Variants in RASA1 observed in about 807,000 individuals in gnomAD.
The protein encoded by RASA1 is RAS p21 protein activator 1, also known as ras GTPase-activating protein 1.
A neutral mutation model predicts 132.2 loss-of-function variants in RASA1; 25 were observed. The observed-to-expected ratio is 0.19, with a 90% CI of 0.14 to 0.26. RASA1 has a LOEUF of 0.26. RASA1 is among the 10% of genes least tolerant of loss of function. The pLI is 1.00. For synonymous variants in RASA1, 477 were observed against 449.9 expected (o/e 1.06, Z -0.76); for missense variants, 964 against 1,299.2 (o/e 0.74, Z 3.97).
intron 1 of RASA1, among the ~76,000 whole-genome samples, chr5:87,290,134 C>T (rs901544216): frequency 1.3e-5 from 2 of 152,170 alleles, no homozygotes; most frequent in Non-Finnish European, 2.9e-5. Context: ...TGAAACCCTT[C>T]TGCCTTGCAT....
chr5:87,351,484 T>A (rs865928718), intron 8 of RASA1, among the ~76,000 whole-genome samples: 5 of 151,712 alleles, frequency 3.3e-5, no homozygotes, highest in African/African-American at 7.2e-5. Context: ...TATCTAGACT[T>A]GAAGAAGAAG....
chr5:87,363,108 C>A (rs1252303864), intron 10 of RASA1, among the ~76,000 whole-genome samples: 2 of 151,822 alleles, frequency 1.3e-5, no homozygotes, highest in African/African-American at 2.4e-5. Context: ...ATGATGAAAT[C>A]TCTGAAGATA....
intron 9 of RASA1, among the ~76,000 whole-genome samples, chr5:87,355,876 C>T (rs1490147324): frequency 6.6e-6 from 1 of 152,080 alleles, no homozygotes; most frequent in African/African-American, 2.4e-5. Context: ...TACAAGATGA[C>T]TTTGAGGAGG....
At chr5:87,340,622 A>G (rs752195562) in intron 5 of RASA1, among the ~76,000 whole-genome samples, 18 of 152,270 alleles carry the variant, frequency 1.2e-4, no homozygotes, top group Non-Finnish European at 2.4e-4. Context: ...AAAGTTCAAA[A>G]CATAGTAAAA....
At chr5:87,272,600 G>A (rs1238815082) in intron 1 of RASA1, among the ~76,000 whole-genome samples, 1 of 151,792 alleles carries the variant, frequency 6.6e-6, no homozygotes, top group African/African-American at 2.4e-5. Context: ...CTTGGGCATA[G>A]TAAGTGTTCG....
At chr5:87,291,522 C>A (rs1207867513) in intron 1 of RASA1, among the ~76,000 whole-genome samples, 4 of 152,238 alleles carry the variant, frequency 2.6e-5, no homozygotes, top group African/African-American at 7.2e-5. Context: ...CAGGGTGAGA[C>A]CCTGTCTCCT....
chr5:87,331,004 A>T, intron 1 of RASA1: 1 of 1,395,790 alleles, frequency 7.2e-7, no homozygotes, highest in Non-Finnish European at 9.4e-7. Flanking sequence ...AATCATTTCC[A>T]TTTGTCTATC....
chr5:87,292,226 G>C (rs1003671956), intron 1 of RASA1, among the ~76,000 whole-genome samples: 18 of 152,070 alleles, frequency 1.2e-4, no homozygotes, highest in Non-Finnish European at 1.0e-4. Context: ...TTTTGTGTCT[G>C]AGAAGGCATC....
chr5:87,363,263 C>T, intron 10 of RASA1, 85 bp from the exon 11 acceptor site: 1 of 1,222,670 alleles, frequency 8.2e-7, no homozygotes, highest in South Asian at 1.3e-5. Context: ...TTGATTGATT[C>T]ATATTTTTAG....
intron 1 of RASA1, among the ~76,000 whole-genome samples, chr5:87,272,342 C>T (rs544141785): frequency 2.6e-5 from 4 of 152,116 alleles, no homozygotes; most frequent in Admixed American, 2.0e-4. Context: ...GTACAAATTT[C>T]CTTCTTATTT....
chr5:87,376,366 CAAT>C (rs1218346075), intron 15 of RASA1, 24 bp from the exon 16 acceptor site: 1 of 1,612,548 alleles, frequency 6.2e-7, no homozygotes, highest in Admixed American at 1.7e-5. Context: ...TCTTTTTAAA[CAAT>C]AATTGCTTGT....
chr5:87,322,525 G>A (rs1042102024), intron 1 of RASA1, among the ~76,000 whole-genome samples: 2 of 152,158 alleles, frequency 1.3e-5, no homozygotes, highest in Non-Finnish European at 2.9e-5. Context: ...CTGGTTTAAA[G>A]GAGCCTGGCT....
At position 87,341,334 on chromosome 5, in the gene RASA1, T is replaced by C. The variant is rs936222588; in HGVS notation, c.1049+13T>C. 23 of 1,311,032 alleles carry C rather than the reference T, an allele frequency of 1.8e-5. No individual in the cohort carries two copies. The African/African-American group carries it at 3.2e-4, about 18-fold the overall frequency. The allele number at this position is 1,311,032 out of a possible 1,614,324, so 81.2% of individuals were successfully genotyped here. Reference sequence around the variant, plus strand: ...ATGAAGGAAAAATGTGAGTTTGTGTTAATTATTAAAATGAAAAAAAAAATC... The same window carrying C: ...ATGAAGGAAAAATGTGAGTTTGTGTCAATTATTAAAATGAAAAAAAAAATC... On this transcript the variant is annotated intron_variant, in intron 6 of 24. Transcript: ENST00000274376.
At chr5:87,329,126 T>C (rs889580431) in intron 1 of RASA1, among the ~76,000 whole-genome samples, 10 of 152,100 alleles carry the variant, frequency 6.6e-5, no homozygotes, top group African/African-American at 2.4e-4. Flanking sequence ...TCCATTTTAA[T>C]GCTCAGATCT....
chr5:87,380,617 G>T, intron 20 of RASA1, 22 bp downstream of exon 20: 1 of 1,553,544 alleles, frequency 6.4e-7, no homozygotes, highest in Non-Finnish European at 8.9e-7. Context: ...CAATTGATTT[G>T]TTAAATCACA....
chr5:87,347,339 C>T (rs1193447703), intron 7 of RASA1, among the ~76,000 whole-genome samples: 3 of 151,860 alleles, frequency 2.0e-5, no homozygotes, highest in Admixed American at 1.3e-4. Flanking sequence ...CTTATAAATA[C>T]AAAGTAAAAA....
At chr5:87,338,536 A>ATATATATATATATATATTTTTTTT in intron 5 of RASA1, among the ~76,000 whole-genome samples, 2 of 85,218 alleles carry the variant, frequency 2.3e-5, no homozygotes, top group African/African-American at 4.4e-5. Flanking sequence ...TATATATAAA[A>ATATATATATATATATATTTTTTTT]TTTTTTTTTT....
intron 1 of RASA1, among the ~76,000 whole-genome samples, chr5:87,293,880 AT>A (rs1410094101): frequency 1.3e-5 from 2 of 152,076 alleles, no homozygotes; most frequent in African/African-American, 2.4e-5. Flanking sequence ...TTAGTTTATT[AT>A]CTTTTTAATG....
chr5:87,380,493 T>C lies in RASA1; in HGVS notation c.2604-16T>C. Reference sequence around the variant, plus strand: ...CACTTGCTTTCTGTGTTGAGATGATTGTGTTATTTTGGCAGGACATTGAGA... The same window carrying C: ...CACTTGCTTTCTGTGTTGAGATGATCGTGTTATTTTGGCAGGACATTGAGA... On this transcript the variant is annotated splice_polypyrimidine_tract_variant and intron_variant, in intron 19 of 24. Coordinates refer to ENST00000274376, the MANE Select transcript of RASA1 (RefSeq NM_002890.3). 3.1e-6 allele frequency: 5 copies of C among 1,595,498 alleles called. No individual in the cohort carries two copies. The highest frequency in any genetic ancestry group is 4.3e-6 in the Non-Finnish European group (5 of 1,163,236).
Sources: allele counts gnomAD v4.1 joint callset (sites outside exome capture counted in the v4.1 genomes callset), GRCh38; gene constraint gnomAD v4.1.1; transcripts MANE v1.5; gene names NCBI Gene and HGNC (gene_info 2026-07-23, HGNC 2026-07-21).